The following MTARC2 variants were observed in gnomAD, a reference collection of about 807,000 sequenced individuals.
MTARC2 encodes mitochondrial amidoxime reducing component 2.
MTARC2 carries 27 observed loss-of-function variants against 35.6 expected under a neutral mutation model. The observed-to-expected ratio is 0.76, with a 90% CI of 0.56 to 1.04. MTARC2 has a LOEUF of 1.04. Among genes scored for constraint, MTARC2 ranks in the 50% least tolerant of loss-of-function variants. The pLI, the probability that MTARC2 is intolerant of heterozygous loss-of-function variation, is 0.00. For missense variants in MTARC2, 412 were observed against 432.5 expected (o/e 0.95, Z 0.42); for synonymous variants, 158 against 167.1 (o/e 0.95, Z 0.42).
At chr1:220,779,464 T>C (rs1362331928) in intron 4 of MTARC2, among the ~76,000 whole-genome samples, 1 of 152,210 alleles carries the variant, frequency 6.6e-6, no homozygotes, top group African/African-American at 2.4e-5. Flanking sequence ...ATTGAGTTAA[T>C]CCCTGAGGCA....
chr1:220,772,640 T>C (rs1671774876), intron 4 of MTARC2, among the ~76,000 whole-genome samples: 1 of 151,974 alleles, frequency 6.6e-6, no homozygotes, highest in South Asian at 2.1e-4. Flanking sequence ...AGTCAGGACA[T>C]CAGACTTGAA....
chr1:220,759,496 G>A (rs994162247), intron 2 of MTARC2, among the ~76,000 whole-genome samples: 1 of 135,908 alleles, frequency 7.4e-6, no homozygotes, highest in Non-Finnish European at 1.6e-5. Context: ...TTCCATCGGG[G>A]GGAAGGGGCT....
rs1203926441 is a variant in MTARC2, at chr1:220,762,990, A to T, written c.690A>T (p.Lys230Asn). ...LVDLNTRMEK[K>N]MKMENFRPNI... Reference sequence around the variant, plus strand: ...ATTTGAATACCAGGATGGAGAAGAAAATGAAAATGGAGAATTTCAGGCCAA... The same window carrying T: ...ATTTGAATACCAGGATGGAGAAGAATATGAAAATGGAGAATTTCAGGCCAA... Residue 230 changes from lysine (K) to asparagine (N), a missense_variant, in exon 4 of 8, where the codon AAA becomes AAT. Transcript: ENST00000366913. 1.9e-6 allele frequency: 3 copies of T among 1,614,168 alleles called. No individual in the cohort carries two copies. The highest frequency in any genetic ancestry group is 3.3e-5 in the Admixed American group (2 of 60,020).
At position 220,761,824 on chromosome 1, in the gene MTARC2, A is replaced by C. The variant is rs140923542; in HGVS notation, c.609+4A>C. Reference sequence around the variant, plus strand: ...CACTCTTGATCAGAATTTCCAGGTGAGCTTACAGAGAGTTTACCTTCACTG... The same window carrying C: ...CACTCTTGATCAGAATTTCCAGGTGCGCTTACAGAGAGTTTACCTTCACTG... On this transcript the variant is annotated splice_donor_region_variant and intron_variant, in intron 3 of 7. Transcript: ENST00000366913. 316 of 1,601,378 alleles carry C rather than the reference A, an allele frequency of 2.0e-4. 1 individual carries two copies. In the East Asian group the frequency reaches 3.8e-3, roughly 19 times the overall value.
intron 1 of MTARC2, among the ~76,000 whole-genome samples, chr1:220,752,846 C>G (rs1312920358): frequency 6.6e-6 from 1 of 151,908 alleles, no homozygotes; most frequent in Non-Finnish European, 1.5e-5. Flanking sequence ...GAGACCCTGT[C>G]TCCCTCTCTC....
chr1:220,781,160 A>G (rs1206785297), intron 6 of MTARC2, among the ~76,000 whole-genome samples: 1 of 152,136 alleles, frequency 6.6e-6, no homozygotes, highest in Non-Finnish European at 1.5e-5. Flanking sequence ...AGCTTAGAAA[A>G]GAGGTTATTT....
At chr1:220,766,911 C>T (rs1671594249) in intron 4 of MTARC2, among the ~76,000 whole-genome samples, 4 of 144,322 alleles carry the variant, frequency 2.8e-5, no homozygotes, top group South Asian at 2.2e-4. Context: ...GAGGCCAAGG[C>T]GGGCAGGTTG....
chr1:220,770,439 G>T, intron 4 of MTARC2: 1 of 985,458 alleles, frequency 1.0e-6, no homozygotes. Context: ...TCGAGTGAGT[G>T]TGATACGTGA....
intron 3 of MTARC2, 99 bp downstream of exon 3, chr1:220,761,919 A>G: frequency 8.5e-7 from 1 of 1,176,770 alleles, no homozygotes. Flanking sequence ...ACCTCAGTTA[A>G]GAAAATATGA....
intron 2 of MTARC2, among the ~76,000 whole-genome samples, chr1:220,755,958 C>CTT (rs1348117824): frequency 6.6e-6 from 1 of 152,188 alleles, no homozygotes; most frequent in Non-Finnish European, 1.5e-5. Flanking sequence ...TTAGTGGAGA[C>CTT]TTTAGCAGCT....
intron 1 of MTARC2, among the ~76,000 whole-genome samples, chr1:220,751,208 G>T (rs1341437136): frequency 6.6e-6 from 1 of 152,150 alleles, no homozygotes; most frequent in Admixed American, 6.5e-5. Flanking sequence ...TTTTCCTCTG[G>T]AAGTGCTCTG....
chr1:220,752,788 C>T (rs1671160485), intron 1 of MTARC2, among the ~76,000 whole-genome samples: 1 of 151,548 alleles, frequency 6.6e-6, no homozygotes, highest in African/African-American at 2.4e-5. Flanking sequence ...TCAAGGCTGC[C>T]ATGAGCTAAG....
At chr1:220,772,531 T>C (rs1671772914) in intron 4 of MTARC2, among the ~76,000 whole-genome samples, 1 of 152,184 alleles carries the variant, frequency 6.6e-6, no homozygotes, top group South Asian at 2.1e-4. Context: ...GTCTCTGAGA[T>C]AGATGCTAAG....
In MTARC2 at chr1:220,748,668, G is replaced by A. The variant is rs761306985; in HGVS notation, c.137G>A (p.Arg46Lys). 1.9e-6 allele frequency: 3 copies of A among 1,578,048 alleles called. No individual in the cohort carries two copies. Among genetic ancestry groups the A allele is most frequent in the South Asian group, 2.3e-5 (2 of 87,266 alleles). The change falls in exon 1 of 8, where the codon AGG becomes AAG. Residue 46 changes from arginine (R) to lysine (K), a missense_variant. Arg to Lys is a conservative substitution (Grantham distance 26). Coordinates refer to ENST00000366913, the MANE Select transcript of MTARC2 (RefSeq NM_017898.5). ...GTCGCCTGGCGCCGCGCATGGCCCA[G>A]GCGGCGCCGGCGGCTGCAGCAGGTG... Reference protein sequence around the residue: ...GTVAWRRAWPRRRRRLQQVGT... With the variant: ...GTVAWRRAWPKRRRRLQQVGT...
chr1:220,764,095 A>G (rs1158072001), intron 4 of MTARC2, among the ~76,000 whole-genome samples: 1 of 150,902 alleles, frequency 6.6e-6, no homozygotes, highest in Admixed American at 6.6e-5. Context: ...AATGTGCCCT[A>G]ATTTTTTTTT....
intron 4 of MTARC2, among the ~76,000 whole-genome samples, chr1:220,773,046 G>A (rs1349303515): frequency 6.6e-6 from 1 of 152,072 alleles, no homozygotes; most frequent in Non-Finnish European, 1.5e-5. Context: ...CTGACTTTAT[G>A]CTAGTGAGAT....
rs951996195 is a variant in MTARC2 at position 220,784,028 on chromosome 1, C to A, written c.*141C>A. The A allele has an allele frequency of 8.4e-6, 6 of 711,106 alleles. No homozygotes were observed. Among genetic ancestry groups the A allele is most frequent in the East Asian group, 2.7e-5 (1 of 37,176 alleles). 44.0% of individuals were successfully genotyped at this position (711,106 alleles called of 1,614,324 possible). Reference sequence around the variant, plus strand: ...CTATCTTTACCCTGGAAAACAATCTCGATTTTTGACTTTTCAAAGTTGTGT... The same window carrying A: ...CTATCTTTACCCTGGAAAACAATCTAGATTTTTGACTTTTCAAAGTTGTGT... On this transcript the variant is annotated 3_prime_UTR_variant, in exon 8 of 8. Transcript: ENST00000366913.
intron 4 of MTARC2, among the ~76,000 whole-genome samples, chr1:220,764,774 T>TAA (rs199669863): frequency 1.2e-4 from 18 of 145,870 alleles, no homozygotes; most frequent in East Asian, 4.0e-4. Flanking sequence ...CCTGTGTATT[T>TAA]AAAAAAAAAA....
Position 220,773,333 on chromosome 1 carries a change from C to T in MTARC2, c.751-6685C>T, listed in dbSNP as rs183658669. On this transcript the variant is annotated intron_variant, in intron 4 of 7. Transcript: ENST00000366913. ...TGAAGTTCTGGGAGGGTGGTGCACC[C>T]GGAGAGGGCATGAAAACTCGGAGAG... Among the ~76,000 whole-genome samples the T allele has an allele frequency of 4.6e-5, 7 of 152,278 alleles. No individual in the cohort carries two copies. In the South Asian group the frequency reaches 8.3e-4, roughly 18 times the overall value.
Sources: allele counts gnomAD v4.1 joint callset (sites outside exome capture counted in the v4.1 genomes callset), GRCh38; gene constraint gnomAD v4.1.1; transcripts MANE v1.5; gene names NCBI Gene and HGNC (gene_info 2026-07-23, HGNC 2026-07-21).